Variants in NFATC2 observed in about 807,000 individuals in gnomAD.
The protein encoded by NFATC2 is nuclear factor of activated T-cells, cytoplasmic 2.
In NFATC2, 22 loss-of-function variants were observed where a neutral mutation model predicts 87.3. The observed-to-expected ratio is 0.25, with a 90% CI of 0.18 to 0.36. The LOEUF is 0.36. NFATC2 is among the 10% of genes least tolerant of loss of function. The pLI, the probability that NFATC2 is intolerant of heterozygous loss-of-function variation, is 1.00. For synonymous variants in NFATC2, 565 were observed against 542.2 expected, an observed-to-expected ratio of 1.04 and a Z score of -0.58; for missense variants, 1,149 against 1,259.1, an observed-to-expected ratio of 0.91 and a Z score of 1.32.
chr20:51,421,418 G>A (rs1456629775), intron 9 of NFATC2, among the ~76,000 whole-genome samples: 1 of 152,162 alleles, frequency 6.6e-6, no homozygotes, highest in African/African-American at 2.4e-5. Flanking sequence ...CCGTAATGGG[G>A]GCACAATTCA....
At chr20:51,490,974 T>C (rs73910884) in intron 3 of NFATC2, among the ~76,000 whole-genome samples, 2,238 of 152,118 alleles carry the variant, frequency 0.015, 59 homozygotes, top group African/African-American at 0.051. Flanking sequence ...AGCCAGTAGA[T>C]CATCAAGGGA....
At chr20:51,487,467 G>A (rs1395917982) in intron 3 of NFATC2, among the ~76,000 whole-genome samples, 2 of 152,146 alleles carry the variant, frequency 1.3e-5, no homozygotes, top group Admixed American at 6.5e-5. Context: ...CTCTGCATCC[G>A]GCACATGTAT....
chr20:51,474,769 G>T (rs1988556171), intron 4 of NFATC2, among the ~76,000 whole-genome samples: 1 of 152,066 alleles, frequency 6.6e-6, no homozygotes. Flanking sequence ...CAAAATGTGT[G>T]CAATGGTTCC....
Position 51,397,513 on chromosome 20 carries a change from C to T in NFATC2, c.*44+1130G>A, listed in dbSNP as rs143262453. On this transcript the variant is annotated intron_variant, in intron 10 of 10. Transcript: ENST00000371564. ...AAGCCCAAGACACACATTAAAAAGG[C>T]ATCGCCCTTCGACAAGTTCCCTGGG... is the stretch of plus-strand genomic sequence containing the variant. 9.3e-4 allele frequency among the ~76,000 whole-genome samples: 141 copies of T among 152,338 alleles called. 1 individual carries two copies. Among genetic ancestry groups the T allele is most frequent in the African/African-American group, 3.3e-3 (139 of 41,586 alleles).
intron 1 of NFATC2, among the ~76,000 whole-genome samples, chr20:51,527,695 G>A (rs915140730): frequency 6.6e-6 from 1 of 152,208 alleles, no homozygotes; most frequent in Non-Finnish European, 1.5e-5. Flanking sequence ...CAAACCAAAA[G>A]ATAGAAGGCT....
intron 3 of NFATC2, among the ~76,000 whole-genome samples, chr20:51,508,678 G>T (rs1001258231): frequency 6.6e-6 from 1 of 152,022 alleles, no homozygotes; most frequent in African/African-American, 2.4e-5. Context: ...AAAATAGCAG[G>T]AGTCTCGGCA....
rs1435663659 is a variant in NFATC2 at position 51,388,896 on chromosome 20, A to T, written c.*2600T>A. 2.6e-5 allele frequency: 4 copies of T among 152,132 alleles called. No individual in the cohort carries two copies. Among genetic ancestry groups the T allele is most frequent in the Non-Finnish European group, 5.9e-5 (4 of 68,032 alleles). 9.4% of individuals were successfully genotyped at this position (152,132 alleles called of 1,614,324 possible). On this transcript the variant is annotated 3_prime_UTR_variant, in exon 11 of 11. Transcript: ENST00000371564. ...CCCTACTTTCTCATTCTCTTAGAGG[A>T]TCTTATTGCCTCTTCCCGTACTGGA...
At chr20:51,552,799 A>G (rs2076945143) in intron 1 of NFATC2, among the ~76,000 whole-genome samples, 1 of 152,068 alleles carries the variant, frequency 6.6e-6, no homozygotes, top group South Asian at 2.1e-4. Flanking sequence ...AATCTGAACT[A>G]ATATTTTTAT....
intron 6 of NFATC2, among the ~76,000 whole-genome samples, chr20:51,444,031 G>A (rs1340008522): frequency 6.6e-6 from 1 of 152,152 alleles, no homozygotes; most frequent in Non-Finnish European, 1.5e-5. Flanking sequence ...TGCCCAGGCA[G>A]GAGTCCATGG....
intron 9 of NFATC2, among the ~76,000 whole-genome samples, chr20:51,413,834 G>A (rs368264222): frequency 4.7e-4 from 72 of 152,228 alleles, no homozygotes; most frequent in African/African-American, 1.7e-3. Context: ...ACTTGCTGTG[G>A]GACCTTGGAC....
chr20:51,500,529 T>C (rs967650840), intron 3 of NFATC2, among the ~76,000 whole-genome samples: 2 of 151,592 alleles, frequency 1.3e-5, no homozygotes, highest in African/African-American at 4.9e-5. Context: ...CCCTACCCAC[T>C]CGTTTTAGGG....
At chr20:51,452,637 T>C (rs1237358676) in intron 6 of NFATC2, among the ~76,000 whole-genome samples, 4 of 152,176 alleles carry the variant, frequency 2.6e-5, no homozygotes, top group Non-Finnish European at 1.5e-5. Flanking sequence ...CCGTCCTCCC[T>C]GCCCAACCTC....
intron 9 of NFATC2, among the ~76,000 whole-genome samples, chr20:51,413,360 C>CTT (rs1979564127): frequency 6.6e-6 from 1 of 152,154 alleles, no homozygotes; most frequent in Non-Finnish European, 1.5e-5. Context: ...AGGACACAGT[C>CTT]TGTCTCCTCA....
chr20:51,429,838 C>T (rs1982429678), intron 9 of NFATC2, among the ~76,000 whole-genome samples: 1 of 152,164 alleles, frequency 6.6e-6, no homozygotes, highest in African/African-American at 2.4e-5. Flanking sequence ...TGGGGTCATA[C>T]AGCATGTACC....
chr20:51,407,521 G>A (rs898575324), intron 9 of NFATC2, among the ~76,000 whole-genome samples: 1 of 152,190 alleles, frequency 6.6e-6, no homozygotes, highest in Non-Finnish European at 1.5e-5. Context: ...TGGACATCGG[G>A]TGCTGTAGTC....
intron 9 of NFATC2, among the ~76,000 whole-genome samples, chr20:51,431,721 C>G (rs1982737973): frequency 6.6e-6 from 1 of 152,106 alleles, no homozygotes; most frequent in South Asian, 2.1e-4. Context: ...TTCTTGGCCT[C>G]AGTCTAAATC....
At position 51,391,466 on chromosome 20, in the gene NFATC2, AGGAGG is replaced by A; in HGVS notation, c.*45-20_*45-16del. The A allele has an allele frequency of 2.4e-6, 2 of 842,014 alleles. No individual in the cohort carries two copies. Among genetic ancestry groups the A allele is most frequent in the Non-Finnish European group, 3.5e-6 (2 of 568,496 alleles). 52.2% of individuals were successfully genotyped at this position (842,014 alleles called of 1,614,324 possible). A position where few individuals can be genotyped will look rare whatever the true frequency, so the allele number is the denominator to read the frequency against. On this transcript the variant is annotated splice_polypyrimidine_tract_variant and intron_variant, in intron 10 of 10. Coordinates refer to ENST00000371564, the MANE Select transcript of NFATC2 (RefSeq NM_012340.5). ...AATTTCATTAACTACAAAAGAAAAG[AGGAGG>A]GGGGGGGAGAGAGAATGGGGCAAGT...
At chr20:51,478,450 G>A (rs1988946502) in intron 3 of NFATC2, among the ~76,000 whole-genome samples, 1 of 152,070 alleles carries the variant, frequency 6.6e-6, no homozygotes, top group African/African-American at 2.4e-5. Context: ...TCGCCTGCTG[G>A]GTGTACTCAA....
intron 1 of NFATC2, among the ~76,000 whole-genome samples, chr20:51,540,647 G>GTTGTTTTTTTTTTTT (rs2076793049): frequency 8.9e-6 from 1 of 112,972 alleles, no homozygotes; most frequent in African/African-American, 4.4e-5. Flanking sequence ...AAAAACTGAA[G>GTTGTTTTTTTTTTTT]TTTTTTTTTT....
Sources: allele counts gnomAD v4.1 joint callset (sites outside exome capture counted in the v4.1 genomes callset), GRCh38; gene constraint gnomAD v4.1.1; transcripts MANE v1.5; gene names NCBI Gene and HGNC (gene_info 2026-07-23, HGNC 2026-07-21).